Variants in DDX60 observed in about 807,000 individuals in gnomAD.
The protein encoded by DDX60 is DExD/H-box helicase 60.
In DDX60, 165 loss-of-function variants were observed where a neutral mutation model predicts 212.8. That is an observed-to-expected ratio of 0.78 (90% confidence interval 0.68 to 0.88). The LOEUF (loss-of-function observed/expected upper bound fraction) is 0.88, where lower values mean the gene tolerates loss of function less well. Among genes scored for constraint, DDX60 ranks in the 40% least tolerant of loss-of-function variants. The probability of loss-of-function intolerance (pLI) is 0.00; values close to 1 mark genes in which losing one functional copy is unlikely to be tolerated. For synonymous variants in DDX60, 703 were observed against 685.3 expected (o/e 1.03, Z -0.40); for missense variants, 1,905 against 2,003.9 (o/e 0.95, Z 0.94).
chr4:168,294,074 G>A (rs982587287), intron 6 of DDX60, 129 bp from the exon 7 acceptor site: 47 of 729,192 alleles, frequency 6.4e-5, no homozygotes, highest in East Asian at 1.8e-4. Flanking sequence ...ACAAACCCCC[G>A]TGACACAAGT....
At chr4:168,307,755 C>T (rs556738738) in intron 4 of DDX60, among the ~76,000 whole-genome samples, 1 of 152,152 alleles carries the variant, frequency 6.6e-6, no homozygotes, top group East Asian at 1.9e-4. Context: ...TATTGAGGAG[C>T]TTTCTCATCC....
At position 168,287,048 on chromosome 4, in the gene DDX60, C is replaced by A; in HGVS notation, c.1339G>T (p.Asp447Tyr). The part of the protein sequence containing the change: ...FLEKKPSPIK[D>Y]SSNEMVPNLG... ...TCAGATTAATTTAGAAATTTATTAC[C>A]TTTGATTGGTGATGGTTTCTTTTCA... The change falls in exon 10 of 38, where the codon GAC (aspartate) becomes TAC (tyrosine). Residue 447 changes from aspartate (D) to tyrosine (Y), a missense_variant and splice_region_variant. Asp to Tyr is a radical substitution (Grantham distance 160). Transcript: ENST00000393743. 2 of 1,597,782 alleles carry A rather than the reference C, an allele frequency of 1.3e-6. No homozygotes were observed. The highest frequency in any genetic ancestry group is 1.7e-6 in the Non-Finnish European group (2 of 1,175,172).
chr4:168,262,819 T>C (rs1315269759), intron 22 of DDX60, 32 bp from the exon 23 acceptor site: 1 of 1,404,106 alleles, frequency 7.1e-7, no homozygotes, highest in Non-Finnish European at 9.7e-7. Flanking sequence ...TTTTTACTCT[T>C]TATTTTATTT....
intron 14 of DDX60, among the ~76,000 whole-genome samples, chr4:168,277,557 G>T (rs1326355585): frequency 6.6e-6 from 1 of 152,050 alleles, no homozygotes; most frequent in Admixed American, 6.5e-5. Flanking sequence ...AAAATTCCAG[G>T]CCGGGCGCAG....
intron 8 of DDX60, among the ~76,000 whole-genome samples, chr4:168,289,206 C>T (rs1344385155): frequency 6.6e-6 from 1 of 152,102 alleles, no homozygotes; most frequent in African/African-American, 2.4e-5. Flanking sequence ...CAACCTAGAC[C>T]TTAGTCTCTT....
chr4:168,268,404 T>C (rs1734942910), intron 20 of DDX60, among the ~76,000 whole-genome samples: 1 of 152,066 alleles, frequency 6.6e-6, no homozygotes, highest in Non-Finnish European at 1.5e-5. Flanking sequence ...AAAAAATTAT[T>C]AGTAGTAGGC....
chr4:168,296,760 C>T (rs1469711424), intron 6 of DDX60, among the ~76,000 whole-genome samples: 1 of 151,916 alleles, frequency 6.6e-6, no homozygotes, highest in African/African-American at 2.4e-5. Flanking sequence ...AAAATCTCAT[C>T]ATTATCTCCA....
At chr4:168,252,747 T>C in intron 26 of DDX60, 91 bp from the exon 27 acceptor site, 1 of 941,304 alleles carries the variant, frequency 1.1e-6, no homozygotes, top group Non-Finnish European at 1.6e-6. Flanking sequence ...TGCCCAAGAC[T>C]TCCCAAGTCA....
rs1232587171 is a variant in DDX60, at chr4:168,260,974, G to A, written c.3289C>T (p.Gln1097Ter). 6.2e-7 allele frequency: 1 copy of A among 1,613,024 alleles called. No individual in the cohort carries two copies. Among genetic ancestry groups the A allele is most frequent in the Non-Finnish European group, 8.5e-7 (1 of 1,179,620 alleles). Residue 1097 changes from glutamine to a stop codon, truncating the protein, a stop_gained, in exon 25 of 38, where the codon CAG (glutamine) becomes TAG (stop). Coordinates refer to ENST00000393743, the MANE Select transcript of DDX60 (RefSeq NM_017631.6). LOFTEE classifies it high-confidence loss of function. ...AAATCTGCTTCAGGACTAAGATTCT[G>A]AAGTACCATTCTGGCCTGTAGTGGT... The part of the protein sequence containing the change: ...GNVEQARMVL[Q>*]NLSPEADLSP...
intron 6 of DDX60, among the ~76,000 whole-genome samples, chr4:168,298,233 C>T (rs1246307612): frequency 6.6e-6 from 1 of 151,928 alleles, no homozygotes; most frequent in East Asian, 1.9e-4. Context: ...AATACAAATG[C>T]CTATAATATA....
intron 37 of DDX60, among the ~76,000 whole-genome samples, chr4:168,220,106 A>C (rs1732997707): frequency 6.6e-6 from 1 of 152,142 alleles, no homozygotes; most frequent in South Asian, 2.1e-4. Context: ...ATGAAGCCTA[A>C]GAATGGGGTA....
At position 168,262,070 on chromosome 4, in the gene DDX60, T is replaced by C. The variant is rs374303354; in HGVS notation, c.3203A>G (p.Asp1068Gly). 6.2e-7 allele frequency: 1 copy of C among 1,602,616 alleles called. No homozygotes were observed. The highest frequency in any genetic ancestry group is 1.1e-5 in the South Asian group (1 of 87,648). Residue 1068 changes from aspartate (D) to glycine (G), a missense_variant, in exon 24 of 38, where the codon GAT (aspartate) becomes GGT (glycine). Transcript: ENST00000393743. ...TAGACTCTCTTCATATTTCCTAGCA[T>C]CCATCTTTTTAATGACTAATTTATT... ...FNNKLVIKKM[D>G]ARKYEESLKA...
At chr4:168,275,664 G>A (rs1735302784) in intron 15 of DDX60, among the ~76,000 whole-genome samples, 161 bp from the exon 16 acceptor site, 1 of 151,932 alleles carries the variant, frequency 6.6e-6, no homozygotes, top group Non-Finnish European at 1.5e-5. Context: ...AAAATTAGTA[G>A]ACATCAAGAT....
At chr4:168,266,589 G>A (rs540674306) in intron 22 of DDX60, among the ~76,000 whole-genome samples, 43 of 152,278 alleles carry the variant, frequency 2.8e-4, no homozygotes, top group African/African-American at 1.0e-3. Flanking sequence ...GTATCTGAAT[G>A]ACTGGTATTT....
At chr4:168,242,002 T>C (rs1293819223) in intron 30 of DDX60, among the ~76,000 whole-genome samples, 1 of 152,106 alleles carries the variant, frequency 6.6e-6, no homozygotes, top group African/African-American at 2.4e-5. Context: ...CTGCTCCCGC[T>C]ATGACTAAAA....
the DDX60 span, among the ~76,000 whole-genome samples, chr4:168,323,970 T>C: frequency 1.3e-5 from 2 of 152,222 alleles, no homozygotes; most frequent in African/African-American, 4.8e-5. Flanking sequence ...ATTCCATTCA[T>C]TAAATCTATG....
chr4:168,304,849 A>C (rs1037875228), intron 5 of DDX60, among the ~76,000 whole-genome samples: 4 of 152,212 alleles, frequency 2.6e-5, no homozygotes, highest in Non-Finnish European at 4.4e-5. Context: ...TTTTTAAATA[A>C]ATTTAATGTA....
chr4:168,272,202 A>G, intron 18 of DDX60, 64 bp from the exon 19 acceptor site: 1 of 1,285,044 alleles, frequency 7.8e-7, no homozygotes, highest in Admixed American at 2.0e-5. Flanking sequence ...ACATATTTAC[A>G]GGAATATGTA....
chr4:168,228,219 T>C (rs1733325926), intron 33 of DDX60, among the ~76,000 whole-genome samples: 1 of 152,086 alleles, frequency 6.6e-6, no homozygotes, highest in South Asian at 2.1e-4. Context: ...GAAGGAAAGG[T>C]ACAGTAAAAA....
Sources: allele counts gnomAD v4.1 joint callset (sites outside exome capture counted in the v4.1 genomes callset), GRCh38; gene constraint gnomAD v4.1.1; transcripts MANE v1.5; gene names NCBI Gene and HGNC (gene_info 2026-07-23, HGNC 2026-07-21).